Variants in NLGN4X observed in about 807,000 individuals in gnomAD.
The protein encoded by NLGN4X is neuroligin 4 X-linked.
Under a neutral mutation model 40.3 loss-of-function variants are expected in NLGN4X, and 3 were observed. The observed-to-expected ratio is 0.07, with a 90% CI of 0.03 to 0.19. The LOEUF (loss-of-function observed/expected upper bound fraction) is 0.19. NLGN4X is among the 10% of genes least tolerant of loss of function. The pLI, the probability that NLGN4X is intolerant of heterozygous loss-of-function variation, is 1.00. For synonymous variants in NLGN4X, 270 were observed against 306.8 expected, an observed-to-expected ratio of 0.88 and a Z score of 1.25; for missense variants, 382 against 708.3, an observed-to-expected ratio of 0.54 and a Z score of 5.23.
intron 3 of NLGN4X, among the ~76,000 whole-genome samples, chrX:5,914,162 A>G (rs1178943872): frequency 8.9e-6 from 1 of 112,333 alleles, no homozygotes; most frequent in African/African-American, 3.2e-5. Flanking sequence ...AAAAATAGGA[A>G]TCACAGTTTT....
chrX:6,003,117 C>T (rs2036013051), intron 3 of NLGN4X, among the ~76,000 whole-genome samples: 1 of 111,624 alleles, frequency 9.0e-6, no homozygotes, highest in African/African-American at 3.3e-5. Flanking sequence ...GGGGTGTATA[C>T]AGGAGGATAT....
At chrX:6,130,467 C>T (rs944354988) in intron 2 of NLGN4X, among the ~76,000 whole-genome samples, 5 of 112,340 alleles carry the variant, frequency 4.5e-5, no homozygotes, top group Non-Finnish European at 9.4e-5. Context: ...TAACTTTTTC[C>T]TACTAAAACT....
chrX:5,915,516 A>G (rs1392199753), intron 3 of NLGN4X, among the ~76,000 whole-genome samples: 1 of 112,217 alleles, frequency 8.9e-6, no homozygotes, highest in Non-Finnish European at 1.9e-5. Flanking sequence ...CCAGCCTGGA[A>G]ACAAATCTCT....
intron 2 of NLGN4X, among the ~76,000 whole-genome samples, chrX:6,146,036 G>A (rs761351654): frequency 1.0e-4 from 11 of 109,190 alleles, no homozygotes; most frequent in Middle Eastern, 4.7e-3. Flanking sequence ...GATCCCTTGA[G>A]CCCAGGAGGT....
At chrX:6,200,695 T>TTTTC (rs1327050605) in intron 1 of NLGN4X, among the ~76,000 whole-genome samples, 2 of 91,171 alleles carry the variant, frequency 2.2e-5, no homozygotes, top group Non-Finnish European at 4.3e-5. Context: ...TTCTTTTTTT[T>TTTTC]TTTTTTTTTT....
chrX:6,016,089 AATAG>A (rs914311322), intron 3 of NLGN4X, among the ~76,000 whole-genome samples: 18 of 112,086 alleles, frequency 1.6e-4, no homozygotes, highest in Non-Finnish European at 5.6e-5. Context: ...AAAGGATCTG[AATAG>A]ATATTTTTCC....
intron 3 of NLGN4X, among the ~76,000 whole-genome samples, chrX:6,018,001 C>T (rs1874623305): frequency 9.0e-6 from 1 of 111,276 alleles, no homozygotes; most frequent in Non-Finnish European, 1.9e-5. Context: ...GGGATATAAT[C>T]CCACTGTGAA....
At chrX:6,021,739 G>GT (rs2036563869) in intron 3 of NLGN4X, among the ~76,000 whole-genome samples, 1 of 104,730 alleles carries the variant, frequency 9.5e-6, no homozygotes, top group African/African-American at 3.9e-5. Context: ...GTGTTTTTTT[G>GT]TTTGTTTTTT....
At position 6,204,071 on chromosome X, in the gene NLGN4X, G is replaced by A. The variant is rs139219240; in HGVS notation, c.-306+24470C>T. 6.0e-3 allele frequency among the ~76,000 whole-genome samples: 677 copies of A among 112,066 alleles called. 5 individuals carry two copies. The highest frequency in any genetic ancestry group is 0.021 in the African/African-American group (648 of 30,839). ...TCTTATCTGTGTTTCTATCACTGAC[G>A]GTATCTGGCATGGTGACCTTCTCAA... On this transcript the variant is annotated intron_variant, in intron 1 of 5. Transcript: ENST00000381095.
chrX:6,205,222 C>A (rs563601202), intron 1 of NLGN4X, among the ~76,000 whole-genome samples: 1 of 112,273 alleles, frequency 8.9e-6, no homozygotes, highest in South Asian at 3.7e-4. Context: ...TGCCCATTGG[C>A]TGTGCCACTC....
chrX:6,032,257 G>T (rs190118032), intron 2 of NLGN4X, among the ~76,000 whole-genome samples: 2 of 95,386 alleles, frequency 2.1e-5, no homozygotes, highest in Non-Finnish European at 4.1e-5. Context: ...TTCTTCTAAG[G>T]TGCTGTACAG....
chrX:5,899,582 T>C (rs1051643130), intron 5 of NLGN4X, among the ~76,000 whole-genome samples: 2 of 111,842 alleles, frequency 1.8e-5, no homozygotes, highest in Non-Finnish European at 3.8e-5. Context: ...CTCACGGCTC[T>C]CTCAGACCTT....
chrX:5,991,261 C>T (rs763765633), intron 3 of NLGN4X, among the ~76,000 whole-genome samples: 4 of 106,800 alleles, frequency 3.7e-5, no homozygotes, highest in South Asian at 8.1e-4. Flanking sequence ...TTTTTTTTTT[C>T]CCCCAAAGGA....
At chrX:5,938,140 C>G (rs1215960126) in intron 3 of NLGN4X, among the ~76,000 whole-genome samples, 1 of 111,450 alleles carries the variant, frequency 9.0e-6, no homozygotes, top group Non-Finnish European at 1.9e-5. Flanking sequence ...AGGCTGGGAT[C>G]TCACAGTCAG....
At chrX:6,090,387 T>C (rs1454209494) in intron 2 of NLGN4X, among the ~76,000 whole-genome samples, 4 of 111,401 alleles carry the variant, frequency 3.6e-5, no homozygotes, top group Non-Finnish European at 7.5e-5. Flanking sequence ...CAGAATGCTA[T>C]ACCTTTACCT....
chrX:6,187,824 G>A (rs930265736), intron 1 of NLGN4X: 13 of 111,862 alleles, frequency 1.2e-4, no homozygotes, highest in African/African-American at 4.2e-4. Flanking sequence ...TAGTTTTGCA[G>A]AATGGGAAAA....
At chrX:6,183,818 G>C (rs1409159420) in intron 1 of NLGN4X, among the ~76,000 whole-genome samples, 2 of 112,094 alleles carry the variant, frequency 1.8e-5, no homozygotes, top group East Asian at 5.6e-4. Flanking sequence ...ATTTCAGAGT[G>C]TTGTTCTAAG....
intron 3 of NLGN4X, among the ~76,000 whole-genome samples, chrX:5,988,987 G>C (rs1291404845): frequency 9.1e-6 from 1 of 110,014 alleles, no homozygotes. Context: ...AGAATCGCTT[G>C]AACCTGTGAG....
chrX:5,904,105 G>A (rs1293988500), intron 4 of NLGN4X, among the ~76,000 whole-genome samples: 1 of 110,914 alleles, frequency 9.0e-6, no homozygotes, highest in Admixed American at 9.6e-5. Context: ...ACGAGTTTAA[G>A]GAAATGAAAC....
Sources: allele counts gnomAD v4.1 joint callset (sites outside exome capture counted in the v4.1 genomes callset), GRCh38; gene constraint gnomAD v4.1.1; transcripts MANE v1.5; gene names NCBI Gene and HGNC (gene_info 2026-07-23, HGNC 2026-07-21).